The following RCOR1 variants were observed in gnomAD, a reference collection of about 807,000 sequenced individuals.
The protein encoded by RCOR1 is REST corepressor 1, also known as REST corepressor.
RCOR1 carries 12 observed loss-of-function variants against 64.0 expected under a neutral mutation model. The observed-to-expected ratio is 0.19, with a 90% confidence interval of 0.12 to 0.30. RCOR1 has a LOEUF of 0.30. Among genes scored for constraint, RCOR1 ranks in the 10% least tolerant of loss-of-function variants. RCOR1 has a pLI of 1.00. For synonymous variants in RCOR1, 279 were observed against 227.2 expected (o/e 1.23, Z -2.05); for missense variants, 502 against 621.2 (o/e 0.81, Z 2.04).
chr14:102,720,166 T>C (rs1896147748), intron 8 of RCOR1, among the ~76,000 whole-genome samples: 1 of 152,212 alleles, frequency 6.6e-6, no homozygotes, highest in Non-Finnish European at 1.5e-5. Flanking sequence ...CTTTCTTAGT[T>C]GCTTGTGTGA....
chr14:102,648,726 T>C (rs1894523189), intron 2 of RCOR1, among the ~76,000 whole-genome samples: 1 of 152,216 alleles, frequency 6.6e-6, no homozygotes, highest in Non-Finnish European at 1.5e-5. Context: ...TTAGCCCTTT[T>C]CCTTTCCTTA....
intron 2 of RCOR1, among the ~76,000 whole-genome samples, chr14:102,673,613 G>A (rs1050484388): frequency 1.3e-5 from 2 of 151,418 alleles, no homozygotes; most frequent in Admixed American, 1.3e-4. Flanking sequence ...GGGATTACAG[G>A]CGTGAGCCAT....
At position 102,727,995 on chromosome 14, in the gene RCOR1, A is replaced by G. The variant is rs1435086258; in HGVS notation, c.*1489A>G. 1 of 152,624 alleles carries G rather than the reference A, an allele frequency of 6.6e-6. No homozygotes were observed. Among genetic ancestry groups the G allele is most frequent in the African/African-American group, 2.4e-5 (1 of 41,448 alleles). The allele number at this position is 152,624 out of a possible 1,614,324, so 9.5% of individuals were successfully genotyped here. A position where few individuals can be genotyped will look rare whatever the true frequency, so the allele number is the denominator to read the frequency against. On this transcript the variant is annotated 3_prime_UTR_variant, in exon 12 of 12. Transcript: ENST00000262241. ...TTTTCCTGCTTTCAATACCAAAAAA[A>G]TGCAGATGCTTTAAGGCCTAAACAG... is the stretch of plus-strand genomic sequence containing the variant.
chr14:102,674,426 C>G (rs909192590), intron 2 of RCOR1, among the ~76,000 whole-genome samples: 4 of 152,222 alleles, frequency 2.6e-5, no homozygotes, highest in Non-Finnish European at 5.9e-5. Flanking sequence ...AGTTTATACA[C>G]ATACTTAATG....
intron 2 of RCOR1, among the ~76,000 whole-genome samples, chr14:102,671,204 CAGGTCATTG>C (rs1008881705): frequency 1.3e-5 from 2 of 152,182 alleles, no homozygotes; most frequent in Non-Finnish European, 2.9e-5. Context: ...TGTTCTGACT[CAGGTCATTG>C]AGGATATGGT....
At chr14:102,614,075 G>C (rs1392228210) in intron 2 of RCOR1, among the ~76,000 whole-genome samples, 2 of 150,154 alleles carry the variant, frequency 1.3e-5, no homozygotes, top group Non-Finnish European at 3.0e-5. Context: ...TTGTATTTTT[G>C]GTAGAGACGG....
chr14:102,639,652 G>C (rs1312182624), intron 2 of RCOR1, among the ~76,000 whole-genome samples: 1 of 149,816 alleles, frequency 6.7e-6, no homozygotes, highest in Non-Finnish European at 1.5e-5. Flanking sequence ...TCCTGCCTCA[G>C]CCTCCCTAGT....
chr14:102,634,663 TACAC>T (rs201296167), intron 2 of RCOR1, among the ~76,000 whole-genome samples: 18 of 150,314 alleles, frequency 1.2e-4, no homozygotes, highest in Non-Finnish European at 2.4e-4. Context: ...TATATATATA[TACAC>T]ACACACGTAC....
chr14:102,635,913 G>A (rs139718416), intron 2 of RCOR1, among the ~76,000 whole-genome samples: 433 of 152,188 alleles, frequency 2.8e-3, no homozygotes, highest in Non-Finnish European at 4.4e-3. Context: ...TCCAGCCTTG[G>A]TAATGCAGTG....
chr14:102,700,122 C>T (rs769749513), intron 3 of RCOR1, among the ~76,000 whole-genome samples: 16 of 152,042 alleles, frequency 1.1e-4, no homozygotes, highest in African/African-American at 2.9e-4. Context: ...CTAAAAATGA[C>T]GCCCAATTTC....
intron 8 of RCOR1, among the ~76,000 whole-genome samples, chr14:102,719,991 C>T (rs1206697817): frequency 6.6e-6 from 1 of 152,072 alleles, no homozygotes; most frequent in East Asian, 1.9e-4. Flanking sequence ...GAGCAAGATC[C>T]TAAGAGATTG....
intron 2 of RCOR1, among the ~76,000 whole-genome samples, chr14:102,621,631 A>G (rs1418796594): frequency 1.3e-5 from 2 of 152,086 alleles, no homozygotes; most frequent in Admixed American, 1.3e-4. Flanking sequence ...TGTCTGTACT[A>G]GAATATAAGC....
intron 2 of RCOR1, among the ~76,000 whole-genome samples, chr14:102,647,546 C>T (rs1020606967): frequency 5.9e-5 from 9 of 152,034 alleles, no homozygotes; most frequent in Non-Finnish European, 1.0e-4. Context: ...GTCTTGAACT[C>T]CTGACCTCAT....
intron 2 of RCOR1, chr14:102,662,608 C>T (rs530334589): frequency 1.8e-5 from 8 of 447,960 alleles, no homozygotes; most frequent in South Asian, 1.2e-4. Flanking sequence ...TTTTTTCCGG[C>T]TGTGGACGCC....
rs925117445 is a variant in RCOR1, at chr14:102,728,000, G to C, written c.*1494G>C. The C allele has an allele frequency of 3.3e-5, 5 of 152,580 alleles. No homozygotes were observed. The highest frequency in any genetic ancestry group is 1.2e-4 in the African/African-American group (5 of 41,440). 9.5% of individuals were successfully genotyped at this position (152,580 alleles called of 1,614,324 possible). A position where few individuals can be genotyped will look rare whatever the true frequency, so the allele number is the denominator to read the frequency against. On this transcript the variant is annotated 3_prime_UTR_variant, in exon 12 of 12. Transcript: ENST00000262241. ...CTGCTTTCAATACCAAAAAAATGCAGATGCTTTAAGGCCTAAACAGAATTC... is the reference window on the plus strand; with the variant it reads ...CTGCTTTCAATACCAAAAAAATGCACATGCTTTAAGGCCTAAACAGAATTC...
rs1160437928 is a variant in RCOR1, at chr14:102,653,983, C to CTTTTT, written c.362-27896_362-27892dup. ...TCTTTCTTTCTTTCTTTCTTTCTTT[C>CTTTTT]TTTTTTTTTTTTTTTTTTTTGAGAC... On this transcript the variant is annotated intron_variant, in intron 2 of 11. Transcript: ENST00000262241. Among the ~76,000 whole-genome samples the CTTTTT allele has an allele frequency of 4.2e-4, 14 of 33,176 alleles. 2 individuals carry two copies. The highest frequency in any genetic ancestry group is 9.8e-4 in the African/African-American group (11 of 11,268). 21.8% of individuals were successfully genotyped at this position (33,176 alleles called of 152,430 possible).
chr14:102,678,413 C>T (rs1219038922), intron 2 of RCOR1, among the ~76,000 whole-genome samples: 1 of 152,138 alleles, frequency 6.6e-6, no homozygotes, highest in Non-Finnish European at 1.5e-5. Flanking sequence ...CATTCTCCTG[C>T]CTCAGCCTCC....
intron 2 of RCOR1, among the ~76,000 whole-genome samples, chr14:102,679,079 C>A (rs1895250660): frequency 6.6e-6 from 1 of 152,160 alleles, no homozygotes; most frequent in African/African-American, 2.4e-5. Context: ...CGTAGTGTAT[C>A]TCAACAGTGC....
chr14:102,709,895 A>C (rs1447221352), intron 6 of RCOR1, among the ~76,000 whole-genome samples: 1 of 152,186 alleles, frequency 6.6e-6, no homozygotes. Context: ...CAACACTTCC[A>C]TTCTTACTCC....
Sources: allele counts gnomAD v4.1 joint callset (sites outside exome capture counted in the v4.1 genomes callset), GRCh38; gene constraint gnomAD v4.1.1; transcripts MANE v1.5; gene names NCBI Gene and HGNC (gene_info 2026-07-23, HGNC 2026-07-21).